The following RTCA variants were observed in gnomAD, a reference collection of about 807,000 sequenced individuals.
RTCA encodes RNA terminal phosphate cyclase domain 1.
A neutral mutation model predicts 46.1 loss-of-function variants in RTCA; 37 were observed. The observed-to-expected ratio is 0.80, with a 90% CI of 0.62 to 1.06. RTCA has a LOEUF of 1.06. Among genes scored for constraint, RTCA ranks in the 50% least tolerant of loss-of-function variants. The pLI is 0.00. For missense variants in RTCA, 435 were observed against 455.5 expected, an observed-to-expected ratio of 0.95 and a Z score of 0.41; for synonymous variants, 164 against 158.3, an observed-to-expected ratio of 1.04 and a Z score of -0.27.
At chr1:100,271,533 A>C (rs1407028984) in intron 4 of RTCA, among the ~76,000 whole-genome samples, 1 of 152,182 alleles carries the variant, frequency 6.6e-6, no homozygotes, top group African/African-American at 2.4e-5. Flanking sequence ...TTTTATAAAT[A>C]CAAGGATTAT....
intron 10 of RTCA, among the ~76,000 whole-genome samples, chr1:100,289,612 C>G (rs1042912409): frequency 1.3e-5 from 2 of 152,140 alleles, no homozygotes; most frequent in Non-Finnish European, 2.9e-5. Flanking sequence ...TATTACTTGT[C>G]TGTCTCTCCT....
Position 100,275,027 on chromosome 1 carries a change from A to G in RTCA, c.615+62A>G, listed in dbSNP as rs944439069. 14 of 1,444,628 alleles carry G rather than the reference A, an allele frequency of 9.7e-6. No individual in the cohort carries two copies. The African/African-American group carries it at 1.7e-4, about 18-fold the overall frequency. The allele number at this position is 1,444,628 out of a possible 1,614,324, so 89.5% of individuals were successfully genotyped here. A position where few individuals can be genotyped will look rare whatever the true frequency, so the allele number is the denominator to read the frequency against. On this transcript the variant is annotated intron_variant, in intron 6 of 10. Transcript: ENST00000370128. The stretch of plus-strand genomic sequence containing the variant: ...GTGTGTCTTGATAAATATTATGTCA[A>G]CTAAATTTTGAAATTATTGAGAGAA...
At chr1:100,272,290 A>G (rs1295478574) in intron 4 of RTCA, among the ~76,000 whole-genome samples, 2 of 152,162 alleles carry the variant, frequency 1.3e-5, no homozygotes, top group African/African-American at 4.8e-5. Context: ...ACTATATGAG[A>G]GTTCCAGCTG....
At chr1:100,271,830 T>C (rs1666114146) in intron 4 of RTCA, among the ~76,000 whole-genome samples, 1 of 152,196 alleles carries the variant, frequency 6.6e-6, no homozygotes, top group Non-Finnish European at 1.5e-5. Context: ...AAAATTCCCT[T>C]ATACGTTTTT....
At chr1:100,274,455 A>G (rs149408605) in intron 5 of RTCA, among the ~76,000 whole-genome samples, 266 of 152,344 alleles carry the variant, frequency 1.7e-3, no homozygotes, top group African/African-American at 6.0e-3. Flanking sequence ...CTTATATTCT[A>G]CAATAGCCCT....
intron 3 of RTCA, among the ~76,000 whole-genome samples, chr1:100,269,820 G>A (rs555800333): frequency 1.3e-5 from 2 of 152,082 alleles, no homozygotes; most frequent in South Asian, 4.2e-4. Context: ...ATTTGTCCTA[G>A]TGCTCTCCCT....
In RTCA at chr1:100,274,808, G is replaced by C; in HGVS notation, c.474-16G>C. 1 of 1,598,626 alleles carries C rather than the reference G, an allele frequency of 6.3e-7. No homozygotes were observed. The highest frequency in any genetic ancestry group is 8.5e-7 in the Non-Finnish European group (1 of 1,169,730). On this transcript the variant is annotated splice_polypyrimidine_tract_variant and intron_variant, in intron 5 of 10. Transcript: ENST00000370128. ...ATGCAATCAGTTTATGTGGGCATTT[G>C]TTATACTTTTCATAGGGGATATTAC...
At chr1:100,283,702 A>G (rs575275474) in intron 8 of RTCA, among the ~76,000 whole-genome samples, 4 of 152,196 alleles carry the variant, frequency 2.6e-5, no homozygotes, top group Non-Finnish European at 4.4e-5. Context: ...TTCACAAAAC[A>G]TGTTTCAAAC....
At position 100,270,666 on chromosome 1, in the gene RTCA, G is replaced by A. The variant is rs750195192; in HGVS notation, c.400G>A (p.Asp134Asn). ...TAATGCTGAAATGGCACCACAGATC[G>A]ATTATACAGTGATGGTAAGGGCTTT... ...GTNAEMAPQI[D>N]YTVMVFKPIV... The change falls in exon 4 of 11, where the codon GAT (aspartate) becomes AAT (asparagine). Residue 134 changes from aspartate (D) to asparagine (N), a missense_variant. Asp to Asn is a conservative substitution (Grantham distance 23). Coordinates refer to ENST00000370128, the MANE Select transcript of RTCA (RefSeq NM_003729.4). 107 of 1,613,818 alleles carry A rather than the reference G, an allele frequency of 6.6e-5. No homozygotes were observed. Among genetic ancestry groups the A allele is most frequent in the Admixed American group, 8.3e-5 (5 of 59,978 alleles).
chr1:100,273,447 A>G lies in RTCA; in HGVS notation c.468A>G (p.Lys156=). 1 of 1,575,044 alleles carries G rather than the reference A, an allele frequency of 6.3e-7. No individual in the cohort carries two copies. The highest frequency in any genetic ancestry group is 8.6e-7 in the Non-Finnish European group (1 of 1,156,838). Residue 156 remains lysine, a synonymous_variant, in exon 5 of 11, where the codon AAA becomes AAG. Transcript: ENST00000370128. ...KFGFIFNCDI[K]TRGYYPKGGG... ...GTTTCATATTTAATTGTGACATTAA[A>G]ACAAGGTAAGTTGCTTGTTTCTTAA...
intron 7 of RTCA, among the ~76,000 whole-genome samples, chr1:100,276,412 C>T (rs1422485343): frequency 6.6e-6 from 1 of 152,160 alleles, no homozygotes; most frequent in Non-Finnish European, 1.5e-5. Flanking sequence ...GGCGCGGTGG[C>T]TTACACCTGT....
At chr1:100,266,964 T>C (rs189749932) in intron 2 of RTCA, 18 of 342,798 alleles carry the variant, frequency 5.3e-5, no homozygotes, top group African/African-American at 3.5e-4. Flanking sequence ...GCAGAAATGC[T>C]TGTGACGCCA....
chr1:100,266,226 G>A lies in RTCA; in HGVS notation c.-150G>A. The A allele has an allele frequency of 1.1e-6, 1 of 903,922 alleles. No homozygotes were observed. Among genetic ancestry groups the A allele is most frequent in the East Asian group, 2.6e-5 (1 of 38,278 alleles). 56.0% of individuals were successfully genotyped at this position (903,922 alleles called of 1,614,324 possible). A position where few individuals can be genotyped will look rare whatever the true frequency, so the allele number is the denominator to read the frequency against. On this transcript the variant is annotated 5_prime_UTR_variant, in exon 1 of 11. Coordinates refer to ENST00000370128, the MANE Select transcript of RTCA (RefSeq NM_003729.4). The stretch of plus-strand genomic sequence containing the variant: ...GTTTCTGCTGACTCCAGTGTCCCGA[G>A]AGGCGCCGCTTCTTCCGCTTTCTCG...
chr1:100,278,048 AG>A (rs1404722755), intron 8 of RTCA, among the ~76,000 whole-genome samples: 1 of 152,196 alleles, frequency 6.6e-6, no homozygotes, highest in East Asian at 1.9e-4. Context: ...GTATCACGGC[AG>A]GGGGCACATG....
intron 10 of RTCA, among the ~76,000 whole-genome samples, chr1:100,289,409 C>T (rs757156503): frequency 4.6e-5 from 7 of 152,040 alleles, no homozygotes; most frequent in South Asian, 2.1e-4. Flanking sequence ...TCCCAAATGC[C>T]GTGATTACAG....
chr1:100,275,518 T>A (rs1244414900), intron 6 of RTCA, 81 bp from the exon 7 acceptor site: 1 of 1,057,496 alleles, frequency 9.5e-7, no homozygotes, highest in Non-Finnish European at 1.3e-6. Context: ...CCAATTATTT[T>A]ATGTGTCTTT....
At chr1:100,283,160 C>CTTTTTT (rs71084815) in intron 8 of RTCA, among the ~76,000 whole-genome samples, 7 of 102,074 alleles carry the variant, frequency 6.9e-5, no homozygotes, top group Admixed American at 1.3e-4. Flanking sequence ...CCAAATATTC[C>CTTTTTT]TTTTTTTTTT....
In RTCA at chr1:100,266,420, G is replaced by T. The variant is rs765836051; in HGVS notation, c.45G>T (p.Gly15=). The change falls in exon 1 of 11, where the codon GGG becomes GGT. Residue 15 remains glycine (G), a splice_region_variant and synonymous_variant. Coordinates refer to ENST00000370128, the MANE Select transcript of RTCA (RefSeq NM_003729.4). ...AGGTCGATGGCAGCATCATGGAAGG[G>T]GTGAGTACAGAGCGAAGCGGCCGGG... ...RVEVDGSIME[G]GGQILRVSTA... 3.7e-6 allele frequency: 6 copies of T among 1,613,390 alleles called. No homozygotes were observed. The Middle Eastern group carries it at 6.6e-4, about 178-fold the overall frequency.
intron 10 of RTCA, among the ~76,000 whole-genome samples, chr1:100,291,142 G>C (rs894021407): frequency 2.0e-5 from 3 of 152,150 alleles, no homozygotes; most frequent in Non-Finnish European, 2.9e-5. Context: ...GATTCAGTGT[G>C]CGTGGAAGGG....
Sources: allele counts gnomAD v4.1 joint callset (sites outside exome capture counted in the v4.1 genomes callset), GRCh38; gene constraint gnomAD v4.1.1; transcripts MANE v1.5; gene names NCBI Gene and HGNC (gene_info 2026-07-23, HGNC 2026-07-21).